The following FGF20 variants were observed in gnomAD, a reference collection of about 807,000 sequenced individuals.
The protein encoded by FGF20 is fibroblast growth factor 20.
Under a neutral mutation model 16.7 loss-of-function variants are expected in FGF20, and 8 were observed. The observed-to-expected ratio is 0.48, with a 90% confidence interval of 0.28 to 0.87. The LOEUF is 0.87. FGF20 is among the 40% of genes least tolerant of loss of function. The probability of loss-of-function intolerance (pLI) is 0.10; values close to 1 mark genes in which losing one functional copy is unlikely to be tolerated. For synonymous variants in FGF20, 161 were observed against 118.6 expected, an observed-to-expected ratio of 1.36 and a Z score of -2.32; for missense variants, 397 against 281.4, an observed-to-expected ratio of 1.41 and a Z score of -2.94.
intron 1 of FGF20, among the ~76,000 whole-genome samples, chr8:16,996,112 G>A (rs748006963): frequency 2.0e-5 from 3 of 152,108 alleles, no homozygotes; most frequent in Admixed American, 1.3e-4. Context: ...TGGTAGCCTG[G>A]GATTCAATCT....
rs1809957955 is a variant in FGF20 at position 16,993,234 on chromosome 8, A to G, written c.474T>C (p.His158=). Residue 158 remains histidine, a synonymous_variant, in exon 3 of 3, where the codon CAT becomes CAC. Transcript: ENST00000180166. ...CAAAATACCTGCGGCCAGTGTCTCC[A>G]TGTTTATATATGTTAGATGAATAGG... is the stretch of plus-strand genomic sequence containing the variant. ...YNTYSSNIYK[H]GDTGRRYFVA... 1 of 1,614,094 alleles carries G rather than the reference A, an allele frequency of 6.2e-7. No individual in the cohort carries two copies. Among genetic ancestry groups the G allele is most frequent in the Non-Finnish European group, 8.5e-7 (1 of 1,180,014 alleles).
chr8:16,999,699 TTTTTTGTA>T (rs1300426360), intron 1 of FGF20, among the ~76,000 whole-genome samples: 3 of 147,704 alleles, frequency 2.0e-5, no homozygotes, highest in Non-Finnish European at 4.5e-5. Flanking sequence ...TTTTTTTTTT[TTTTTTGTA>T]TTTTTTGTAT....
rs1320654095 is a variant in FGF20, at chr8:17,001,852, G to GC, written c.180dup (p.His61AlafsTer51). 6.7e-7 allele frequency: 1 copy of GC among 1,500,074 alleles called. No homozygotes were observed. 92.9% of individuals were successfully genotyped at this position (1,500,074 alleles called of 1,614,324 possible). A position where few individuals can be genotyped will look rare whatever the true frequency, so the allele number is the denominator to read the frequency against. ...AGCTGCCGGCGGCGCAGGATGCCGT[G>GC]CAGGTGCGCCAGCTGCGCAGCCCCC... On this transcript the variant is annotated frameshift_variant, in exon 1 of 3. Transcript: ENST00000180166. LOFTEE classifies it high-confidence loss of function.
At position 16,993,194 on chromosome 8, in the gene FGF20, C is replaced by A; in HGVS notation, c.514G>T (p.Asp172Tyr). 6.2e-7 allele frequency: 1 copy of A among 1,614,068 alleles called. No individual in the cohort carries two copies. ...GRRYFVALNK[D>Y]GTPRDGARSK... The stretch of plus-strand genomic sequence containing the variant: ...CTGGCGCCATCTCTTGGAGTTCCGT[C>A]TTTGTTAAGTGCCACAAAATACCTG... Residue 172 changes from aspartate to tyrosine, a missense_variant, in exon 3 of 3, where the codon GAC (aspartate) becomes TAC (tyrosine). Asp to Tyr is a radical substitution (Grantham distance 160). Transcript: ENST00000180166.
chr8:17,001,568 C>T (rs1810184084), intron 1 of FGF20, among the ~76,000 whole-genome samples, 179 bp downstream of exon 1: 1 of 152,168 alleles, frequency 6.6e-6, no homozygotes, highest in African/African-American at 2.4e-5. Context: ...TTTCTCCCCG[C>T]GGCTGCTCTG....
intron 1 of FGF20, among the ~76,000 whole-genome samples, 187 bp from the exon 2 acceptor site, chr8:16,995,945 A>G (rs1172979594): frequency 6.6e-6 from 1 of 152,218 alleles, no homozygotes; most frequent in Admixed American, 6.5e-5. Flanking sequence ...AAAAAAGGAC[A>G]AAAAAGGAAA....
Position 16,992,936 on chromosome 8 carries a change from C to A in FGF20, c.*136G>T. 1 of 1,170,108 alleles carries A rather than the reference C, an allele frequency of 8.5e-7. No individual in the cohort carries two copies. The highest frequency in any genetic ancestry group is 1.2e-6 in the Non-Finnish European group (1 of 840,332). The allele number at this position is 1,170,108 out of a possible 1,614,324, so 72.5% of individuals were successfully genotyped here. A position where few individuals can be genotyped will look rare whatever the true frequency, so the allele number is the denominator to read the frequency against. ...TTTTTTGGTTTTTTTTCTCAATATT[C>A]TTTCCAAATCCAGTCTCTCAGTAGA... On this transcript the variant is annotated 3_prime_UTR_variant, in exon 3 of 3. Transcript: ENST00000180166.
chr8:17,001,813 C>T lies in FGF20; in HGVS notation c.220G>A (p.Gly74Ser). ...TCGGGCAGGATCTGCAGGTGGAAGC[C>T]GGTGCGGCAATAGAGCTGCCGGCGG... is the stretch of plus-strand genomic sequence containing the variant. ...LRRRQLYCRT[G>S]FHLQILPDGS... Residue 74 changes from glycine to serine, a missense_variant, in exon 1 of 3, where the codon GGC becomes AGC. Physicochemically the swap from Gly to Ser is moderately conservative, Grantham distance 56. Coordinates refer to ENST00000180166, the MANE Select transcript of FGF20 (RefSeq NM_019851.3). The T allele has an allele frequency of 1.3e-6, 2 of 1,555,284 alleles. No individual in the cohort carries two copies. Among genetic ancestry groups the T allele is most frequent in the Non-Finnish European group, 1.7e-6 (2 of 1,155,422 alleles).
In FGF20 at chr8:16,992,194, A is replaced by G. The variant is rs984267837; in HGVS notation, c.*878T>C. ...GCCAAAACACTGCATGAAAATGTTT[A>G]ATTCCCTTTTGAATGTGTGTTGAAT... is the stretch of plus-strand genomic sequence containing the variant. On this transcript the variant is annotated 3_prime_UTR_variant, in exon 3 of 3. Coordinates refer to ENST00000180166, the MANE Select transcript of FGF20 (RefSeq NM_019851.3). The G allele has an allele frequency of 6.6e-6, 1 of 152,198 alleles. No homozygotes were observed. Among genetic ancestry groups the G allele is most frequent in the African/African-American group, 2.4e-5 (1 of 41,466 alleles). 9.4% of individuals were successfully genotyped at this position (152,198 alleles called of 1,614,324 possible).
intron 2 of FGF20, among the ~76,000 whole-genome samples, chr8:16,995,171 G>A (rs1007976458): frequency 1.3e-5 from 2 of 152,168 alleles, no homozygotes; most frequent in Non-Finnish European, 2.9e-5. Flanking sequence ...GAAGAACAGT[G>A]TGTTTGCCAT....
Position 17,002,120 on chromosome 8 carries a change from A to T in FGF20, c.-88T>A. ...AGGTGGATAGAGAAAAATTATAGCA[A>T]AACGAGCGCAAAAAGTTAAGGCCCG... On this transcript the variant is annotated 5_prime_UTR_variant, in exon 1 of 3. In the 5' UTR this introduces an upstream ATG that the reference lacks. Coordinates refer to ENST00000180166, the MANE Select transcript of FGF20 (RefSeq NM_019851.3). 1 of 1,363,884 alleles carries T rather than the reference A, an allele frequency of 7.3e-7. No homozygotes were observed. The highest frequency in any genetic ancestry group is 9.6e-7 in the Non-Finnish European group (1 of 1,046,302). 84.5% of individuals were successfully genotyped at this position (1,363,884 alleles called of 1,614,324 possible).
At chr8:16,996,772 T>A (rs1810060842) in intron 1 of FGF20, among the ~76,000 whole-genome samples, 1 of 152,176 alleles carries the variant, frequency 6.6e-6, no homozygotes, top group Non-Finnish European at 1.5e-5. Context: ...CCATTTTACA[T>A]ATAAAGAAAT....
intron 1 of FGF20, among the ~76,000 whole-genome samples, chr8:17,001,415 A>ATG (rs1810177845): frequency 6.6e-6 from 1 of 151,962 alleles, no homozygotes; most frequent in Admixed American, 6.5e-5. Flanking sequence ...TGCCGAGTGC[A>ATG]CCAGGTCTTG....
chr8:17,001,359 A>G (rs17514929), intron 1 of FGF20, among the ~76,000 whole-genome samples: 35,693 of 151,818 alleles, frequency 0.24, 5,748 homozygotes, highest in East Asian at 0.47. Flanking sequence ...ACATACAGGG[A>G]TTTTTTTTAA....
At position 16,992,984 on chromosome 8, in the gene FGF20, C is replaced by G; in HGVS notation, c.*88G>C. On this transcript the variant is annotated 3_prime_UTR_variant, in exon 3 of 3. Coordinates refer to ENST00000180166, the MANE Select transcript of FGF20 (RefSeq NM_019851.3). ...AGAAAATAGACTTTAATATTTTGAA[C>G]GTCTCCTTGGGTCATTATTTTATGA... 1 of 1,426,864 alleles carries G rather than the reference C, an allele frequency of 7.0e-7. No individual in the cohort carries two copies. Among genetic ancestry groups the G allele is most frequent in the East Asian group, 2.3e-5 (1 of 43,412 alleles). 88.4% of individuals were successfully genotyped at this position (1,426,864 alleles called of 1,614,324 possible).
At chr8:16,997,395 C>T (rs547415825) in intron 1 of FGF20, among the ~76,000 whole-genome samples, 2 of 152,274 alleles carry the variant, frequency 1.3e-5, no homozygotes, top group Non-Finnish European at 2.9e-5. Context: ...GCTCTTAAGT[C>T]ATTTCTTGAT....
chr8:17,000,100 G>T (rs1177314518), intron 1 of FGF20, among the ~76,000 whole-genome samples: 1 of 152,072 alleles, frequency 6.6e-6, no homozygotes, highest in Admixed American at 6.5e-5. Flanking sequence ...AGTGGCTCAT[G>T]CCTGTAATCC....
At chr8:17,000,946 T>C (rs1810165968) in intron 1 of FGF20, among the ~76,000 whole-genome samples, 1 of 152,096 alleles carries the variant, frequency 6.6e-6, no homozygotes, top group Admixed American at 6.6e-5. Context: ...CTAAAGTCGA[T>C]ACCAAGATAC....
intron 1 of FGF20, among the ~76,000 whole-genome samples, chr8:17,001,018 A>G (rs1190627795): frequency 6.6e-6 from 1 of 152,060 alleles, no homozygotes; most frequent in Non-Finnish European, 1.5e-5. Context: ...CATGCTCAGT[A>G]GCCGGGTGGT....
Sources: allele counts gnomAD v4.1 joint callset (sites outside exome capture counted in the v4.1 genomes callset), GRCh38; gene constraint gnomAD v4.1.1; transcripts MANE v1.5; gene names NCBI Gene and HGNC (gene_info 2026-07-23, HGNC 2026-07-21).